The following ABI3BP variants were observed in gnomAD, a reference collection of about 807,000 sequenced individuals.
ABI3BP encodes the protein target of Nesh-SH3.
Under a neutral mutation model 268.6 loss-of-function variants are expected in ABI3BP, and 216 were observed. That is an observed-to-expected ratio of 0.80 (90% CI 0.72 to 0.90). The LOEUF is 0.90. ABI3BP is among the 40% of genes least tolerant of loss of function. ABI3BP has a pLI of 0.00. For missense variants in ABI3BP, 2,090 were observed against 2,182.4 expected, an observed-to-expected ratio of 0.96 and a Z score of 0.84; for synonymous variants, 730 against 730.0, an observed-to-expected ratio of 1.00 and a Z score of 0.00.
chr3:100,991,201 C>A (rs1334598138), intron 1 of ABI3BP, among the ~76,000 whole-genome samples: 2 of 152,164 alleles, frequency 1.3e-5, no homozygotes, highest in Non-Finnish European at 2.9e-5. Context: ...TCATGAATAT[C>A]TTTTCTAGCT....
At chr3:100,792,656 A>G (rs1472010325) in intron 55 of ABI3BP, 35 bp downstream of exon 55, 6 of 1,591,122 alleles carry the variant, frequency 3.8e-6, no homozygotes, top group Admixed American at 3.4e-5. Flanking sequence ...GCAAATAAGG[A>G]AAAGTTATTC....
chr3:100,949,485 C>T (rs779718604), intron 1 of ABI3BP, among the ~76,000 whole-genome samples: 4 of 152,056 alleles, frequency 2.6e-5, no homozygotes, highest in Non-Finnish European at 5.9e-5. Flanking sequence ...AGGCTGGTCT[C>T]GAACACTTGG....
intron 58 of ABI3BP, chr3:100,778,636 C>A: frequency 2.7e-6 from 1 of 365,754 alleles, no homozygotes; most frequent in Non-Finnish European, 4.8e-6. Flanking sequence ...CAGTCGGGCC[C>A]TTCATATCTG....
At chr3:100,756,121 A>G (rs2095603562) in intron 63 of ABI3BP, among the ~76,000 whole-genome samples, 1 of 152,256 alleles carries the variant, frequency 6.6e-6, no homozygotes, top group South Asian at 2.1e-4. Context: ...TTCTACATAT[A>G]TAAAGCAATA....
intron 64 of ABI3BP, among the ~76,000 whole-genome samples, chr3:100,754,184 A>T (rs1040925848): frequency 8.5e-5 from 13 of 152,322 alleles, no homozygotes; most frequent in Middle Eastern, 3.4e-3. Flanking sequence ...GATGCCATGA[A>T]CTACAGTTGG....
intron 9 of ABI3BP, among the ~76,000 whole-genome samples, chr3:100,871,752 A>G (rs1005332537): frequency 6.6e-6 from 1 of 152,210 alleles, no homozygotes; most frequent in African/African-American, 2.4e-5. Context: ...AGTCTCGGGT[A>G]TATCTTTACC....
intron 2 of ABI3BP, among the ~76,000 whole-genome samples, chr3:100,907,058 A>T (rs191132481): frequency 2.0e-5 from 3 of 152,346 alleles, no homozygotes; most frequent in Non-Finnish European, 4.4e-5. Flanking sequence ...TTCTGGACAT[A>T]AGAGCACAGA....
Position 100,980,513 on chromosome 3 carries a change from C to G in ABI3BP, c.79+12793G>C, listed in dbSNP as rs552824017. On this transcript the variant is annotated intron_variant, in intron 1 of 67. Transcript: ENST00000471714. Reference sequence around the variant, plus strand: ...TGGGTTATAAAAGTCTAAAAGCCAACAGAACATATAAAGTTACCATAGCAG... The same window carrying G: ...TGGGTTATAAAAGTCTAAAAGCCAAGAGAACATATAAAGTTACCATAGCAG... 3.2e-4 allele frequency among the ~76,000 whole-genome samples: 49 copies of G among 152,248 alleles called. 1 individual carries two copies. The South Asian group carries it at 6.0e-3, about 19-fold the overall frequency.
rs2095411297 is a variant in ABI3BP, at chr3:100,752,769, G to C, written c.5122+18C>G. ...CCATAAGTTAAGGGCTGAAAACAGA[G>C]CTGGTAGCTCTGCTTACCTGTGAGG... On this transcript the variant is annotated intron_variant, in intron 66 of 67. Coordinates refer to ENST00000471714, the MANE Select transcript of ABI3BP (RefSeq NM_001375547.2). 1.9e-6 allele frequency: 3 copies of C among 1,610,364 alleles called. No homozygotes were observed. The highest frequency in any genetic ancestry group is 3.3e-5 in the Admixed American group (2 of 59,800).
At chr3:100,834,971 T>C (rs1160805267) in intron 28 of ABI3BP, among the ~76,000 whole-genome samples, 198 bp from the exon 29 acceptor site, 3 of 152,132 alleles carry the variant, frequency 2.0e-5, no homozygotes, top group Non-Finnish European at 4.4e-5. Flanking sequence ...AGATGGAATA[T>C]ATGTAATTTA....
intron 2 of ABI3BP, chr3:100,911,165 T>TC: frequency 2.5e-6 from 1 of 394,786 alleles, no homozygotes; most frequent in South Asian, 2.8e-5. Context: ...TTATGCTTAA[T>TC]CATTTGTGGT....
chr3:100,802,439 A>C (rs2317206), intron 51 of ABI3BP, among the ~76,000 whole-genome samples: 21,061 of 152,224 alleles, frequency 0.14, 1,897 homozygotes, highest in South Asian at 0.27. Context: ...GTTAAATATT[A>C]TCTGAATTCT....
intron 19 of ABI3BP, 115 bp downstream of exon 19, chr3:100,847,487 C>A: frequency 7.5e-6 from 7 of 931,520 alleles, no homozygotes; most frequent in Admixed American, 1.9e-5. Context: ...CCATGCTGTT[C>A]AAATGAACCG....
intron 6 of ABI3BP, among the ~76,000 whole-genome samples, chr3:100,882,396 C>T (rs905199381): frequency 2.0e-5 from 3 of 151,268 alleles, no homozygotes; most frequent in African/African-American, 7.3e-5. Flanking sequence ...TACTACTTCC[C>T]CATGTTCCAC....
chr3:100,960,911 G>A (rs2078870258), intron 1 of ABI3BP, among the ~76,000 whole-genome samples: 1 of 152,182 alleles, frequency 6.6e-6, no homozygotes, highest in Non-Finnish European at 1.5e-5. Flanking sequence ...AAGAGCCCAT[G>A]CCAGCTGACA....
At position 100,797,056 on chromosome 3, in the gene ABI3BP, C is replaced by T. The variant is rs145680467; in HGVS notation, c.3758-588G>A. Among the ~76,000 whole-genome samples the T allele has an allele frequency of 2.2e-4, 33 of 152,156 alleles. 1 individual carries two copies. In the East Asian group the frequency reaches 6.2e-3, roughly 29 times the overall value. ...GTAAAGTTAATGATAGTGCTTGTTA[C>T]TTAGTAAATGATAGCTGTTGCCATT... On this transcript the variant is annotated intron_variant, in intron 51 of 67. Coordinates refer to ENST00000471714, the MANE Select transcript of ABI3BP (RefSeq NM_001375547.2).
Position 100,830,110 on chromosome 3 carries a change from CATATATATATATATATATATATATAT to C in ABI3BP, c.2458+442_2459-447del, listed in dbSNP as rs559297681. Reference sequence around the variant, plus strand: ...ATACATATACATACATACATACATACATATATATATATATATATATATATATATATATATATATATATATATATATA... The same window carrying C: ...ATACATATACATACATACATACATACATATATATATATATATATATATATA... On this transcript the variant is annotated intron_variant, in intron 32 of 67. Coordinates refer to ENST00000471714, the MANE Select transcript of ABI3BP (RefSeq NM_001375547.2). Among the ~76,000 whole-genome samples, 65 of 44,766 alleles carry C rather than the reference CATATATATATATATATATATATATAT, an allele frequency of 1.5e-3. 3 individuals carry two copies. Among genetic ancestry groups the C allele is most frequent in the Admixed American group, 2.7e-3 (9 of 3,294 alleles). The allele number at this position is 44,766 out of a possible 152,430, so 29.4% of individuals were successfully genotyped here.
At chr3:100,805,546 C>T (rs1027892685) in intron 50 of ABI3BP, among the ~76,000 whole-genome samples, 3 of 152,014 alleles carry the variant, frequency 2.0e-5, no homozygotes, top group Admixed American at 2.0e-4. Context: ...ATAAAGTTTA[C>T]ACCCTTTGAG....
intron 1 of ABI3BP, among the ~76,000 whole-genome samples, chr3:100,935,745 G>A (rs1230356434): frequency 6.6e-6 from 1 of 152,074 alleles, no homozygotes; most frequent in Non-Finnish European, 1.5e-5. Flanking sequence ...TAGCAATTGT[G>A]AATGGGAGTT....
Sources: gnomAD v4.1 joint callset for allele counts (sites outside exome capture counted in the v4.1 genomes callset) on GRCh38, gnomAD v4.1.1 for gene constraint, MANE v1.5 for transcripts, NCBI Gene and HGNC (gene_info 2026-07-23, HGNC 2026-07-21) for gene names.